Variants in CACNG2 observed in about 807,000 individuals in gnomAD.
CACNG2 encodes the protein voltage-dependent calcium channel gamma-2 subunit.
A neutral mutation model predicts 25.9 loss-of-function variants in CACNG2; 3 were observed. That is an observed-to-expected ratio of 0.12 (90% CI 0.05 to 0.30). The LOEUF is 0.30. Among genes scored for constraint, CACNG2 ranks in the 10% least tolerant of loss-of-function variants. CACNG2 has a pLI of 1.00. For missense variants in CACNG2, 341 were observed against 432.5 expected, an observed-to-expected ratio of 0.79 and a Z score of 1.88; for synonymous variants, 167 against 173.3, an observed-to-expected ratio of 0.96 and a Z score of 0.29.
chr22:36,662,894 T>C (rs1601443004), intron 1 of CACNG2, among the ~76,000 whole-genome samples: 1 of 152,186 alleles, frequency 6.6e-6, no homozygotes, highest in Non-Finnish European at 1.5e-5. Flanking sequence ...CACCTGGTTA[T>C]GCACTTCTTT....
chr22:36,604,104 G>C (rs1029413638), intron 1 of CACNG2, among the ~76,000 whole-genome samples: 1 of 152,174 alleles, frequency 6.6e-6, no homozygotes, highest in Non-Finnish European at 1.5e-5. Flanking sequence ...ACATTAACAG[G>C]AATTTGGAAG....
At chr22:36,603,016 A>G (rs1411899138) in intron 1 of CACNG2, among the ~76,000 whole-genome samples, 1 of 152,270 alleles carries the variant, frequency 6.6e-6, no homozygotes, top group African/African-American at 2.4e-5. Context: ...CTTAGTGAGG[A>G]AGGCATGTCA....
rs185318624 is a variant in CACNG2 at position 36,683,930 on chromosome 22, C to A, written c.211+18436G>T. 3.9e-4 allele frequency among the ~76,000 whole-genome samples: 59 copies of A among 152,310 alleles called. No homozygotes were observed. The East Asian group carries it at 9.3e-3, about 24-fold the overall frequency. On this transcript the variant is annotated intron_variant, in intron 1 of 3. Coordinates refer to ENST00000300105, the MANE Select transcript of CACNG2 (RefSeq NM_006078.5). ...GAATGGGTCAAATTGTAACTAAGAA[C>A]CGAGTGCTCCCGACGCCTCAGAAAG...
At chr22:36,642,765 T>C (rs970390669) in intron 1 of CACNG2, among the ~76,000 whole-genome samples, 8 of 152,200 alleles carry the variant, frequency 5.3e-5, no homozygotes, top group African/African-American at 1.9e-4. Context: ...TGGCAAAGAC[T>C]TGTGTAATCA....
intron 1 of CACNG2, among the ~76,000 whole-genome samples, chr22:36,680,312 T>C (rs1937089411): frequency 6.6e-6 from 1 of 150,960 alleles, no homozygotes; most frequent in African/African-American, 2.4e-5. Context: ...GCCACCTGCA[T>C]CATGGCTATA....
intron 1 of CACNG2, among the ~76,000 whole-genome samples, chr22:36,685,401 C>T (rs1022250825): frequency 6.6e-6 from 1 of 152,140 alleles, no homozygotes; most frequent in Non-Finnish European, 1.5e-5. Context: ...TTCTGCCCCC[C>T]GTCATCCTTA....
At chr22:36,629,071 C>T (rs1338017649) in intron 1 of CACNG2, among the ~76,000 whole-genome samples, 1 of 152,090 alleles carries the variant, frequency 6.6e-6, no homozygotes, top group Non-Finnish European at 1.5e-5. Flanking sequence ...CAAAATGATT[C>T]AGAGAAGTGT....
At chr22:36,645,125 T>C (rs1448251902) in intron 1 of CACNG2, among the ~76,000 whole-genome samples, 3 of 152,214 alleles carry the variant, frequency 2.0e-5, no homozygotes, top group African/African-American at 4.8e-5. Flanking sequence ...CATCTGTTCA[T>C]CAACCCCAGA....
intron 1 of CACNG2, among the ~76,000 whole-genome samples, chr22:36,643,524 C>CTAT: frequency 6.6e-6 from 1 of 151,240 alleles, no homozygotes; most frequent in African/African-American, 2.4e-5. Flanking sequence ...ATCTATCTAT[C>CTAT]CATCATGTGC....
At chr22:36,576,241 T>C (rs1252360322) in intron 2 of CACNG2, among the ~76,000 whole-genome samples, 2 of 152,158 alleles carry the variant, frequency 1.3e-5, no homozygotes, top group Non-Finnish European at 2.9e-5. Flanking sequence ...CTGGGTGAGA[T>C]CGGAGACTAT....
chr22:36,573,903 C>G lies in CACNG2; in HGVS notation c.296-7410G>C, dbSNP rs192846314. On this transcript the variant is annotated intron_variant, in intron 2 of 3. Transcript: ENST00000300105. ...AGCAGCTGATTAGGCACAATGAAGG[C>G]AGGGCTGTGGGAGAGAGAGCAGCAG... 6.6e-5 allele frequency among the ~76,000 whole-genome samples: 10 copies of G among 152,262 alleles called. No individual in the cohort carries two copies. In the East Asian group the frequency reaches 1.9e-3, roughly 29 times the overall value.
chr22:36,696,795 A>G (rs1380620904), intron 1 of CACNG2, among the ~76,000 whole-genome samples: 1 of 152,222 alleles, frequency 6.6e-6, no homozygotes, highest in African/African-American at 2.4e-5. Flanking sequence ...AAGGGAGGAC[A>G]GACATCCATT....
Position 36,564,617 on chromosome 22 carries a change from G to C in CACNG2, c.706C>G (p.Arg236Gly). Residue 236 changes from arginine (R) to glycine (G), a missense_variant, in exon 4 of 4, where the codon CGC (arginine) becomes GGC (glycine). Arg to Gly is a moderately radical substitution (Grantham distance 125). Around this residue, in one of 2 missense-constraint regions of CACNG2, gnomAD observed 172 missense variants for 178.1 expected, o/e 0.97. Coordinates refer to ENST00000300105, the MANE Select transcript of CACNG2 (RefSeq NM_006078.5). The surrounding 1 kb of genome is among the most constrained non-coding windows in gnomAD (Gnocchi z 6.7). ...IPSYRYRYQR[R>G]SRSSSRSTEP... ...GTGGAGCGCGAGCTGGAGCGGCTGC[G>C]GCGCTGGTAGCGGTAGCGGTAGCTG... 3 of 1,613,896 alleles carry C rather than the reference G, an allele frequency of 1.9e-6. No homozygotes were observed. Among genetic ancestry groups the C allele is most frequent in the Non-Finnish European group, 2.5e-6 (3 of 1,179,962 alleles).
At position 36,703,277 on chromosome 22, in the gene CACNG2, C is replaced by CGCGGCGGCG. The variant is rs969973715; in HGVS notation, c.-710_-702dup. ...CGGCGGCGGCGGCAGGGCGGGCAGG[C>CGCGGCGGCG]GCGGCGGCGGCGGCGGCAGCAGGAC... On this transcript the variant is annotated 5_prime_UTR_variant, in exon 1 of 4. Transcript: ENST00000300105. 7.0e-6 allele frequency: 1 copy of CGCGGCGGCG among 143,388 alleles called. No homozygotes were observed. Among genetic ancestry groups the CGCGGCGGCG allele is most frequent in the Non-Finnish European group, 1.4e-5 (1 of 69,396 alleles). The allele number at this position is 143,388 out of a possible 1,614,324, so 8.9% of individuals were successfully genotyped here.
At chr22:36,656,241 A>T (rs752596709) in intron 1 of CACNG2, among the ~76,000 whole-genome samples, 1 of 152,226 alleles carries the variant, frequency 6.6e-6, no homozygotes, top group Non-Finnish European at 1.5e-5. Flanking sequence ...TAGGAAATGA[A>T]TGTTTCCAGG....
At chr22:36,583,006 G>A (rs1183678098) in intron 2 of CACNG2, among the ~76,000 whole-genome samples, 1 of 151,874 alleles carries the variant, frequency 6.6e-6, no homozygotes, top group South Asian at 2.1e-4. Flanking sequence ...GAAATTTAAG[G>A]GGCCCAAGCG....
chr22:36,635,209 GGGAGGC>G (rs1329947799), intron 1 of CACNG2, among the ~76,000 whole-genome samples: 1 of 151,620 alleles, frequency 6.6e-6, no homozygotes, highest in African/African-American at 2.4e-5. Context: ...GTGTGAACCC[GGGAGGC>G]GGAGCTTGCA....
intron 1 of CACNG2, among the ~76,000 whole-genome samples, chr22:36,675,282 C>T (rs1428816104): frequency 1.3e-5 from 2 of 152,082 alleles, no homozygotes; most frequent in South Asian, 2.1e-4. Flanking sequence ...TGGACACAAG[C>T]GATCTTCCCG....
At chr22:36,613,946 T>A (rs1484370260) in intron 1 of CACNG2, among the ~76,000 whole-genome samples, 1 of 152,118 alleles carries the variant, frequency 6.6e-6, no homozygotes, top group African/African-American at 2.4e-5. Context: ...ATGTCTTGAA[T>A]CTGGACCCCT....
Sources: allele counts gnomAD v4.1 joint callset (sites outside exome capture counted in the v4.1 genomes callset), GRCh38; gene constraint gnomAD v4.1.1; regional missense constraint gnomAD v4.1.1; non-coding constraint Gnocchi (gnomAD v3.1); transcripts MANE v1.5; gene names NCBI Gene and HGNC (gene_info 2026-07-23, HGNC 2026-07-21).